CHD2: variants seen among roughly 807,000 people sequenced by gnomAD.
CHD2 encodes ATP-dependent chromatin remodeler CHD2.
In CHD2, 28 loss-of-function variants were observed where a neutral mutation model predicts 243.9. That is an observed-to-expected ratio of 0.11 (90% CI 0.09 to 0.16). CHD2 has a LOEUF of 0.16. Ranked by LOEUF, CHD2 falls within the 10% of genes least tolerant of loss-of-function variation. The pLI is 1.00. For synonymous variants in CHD2, 775 were observed against 779.0 expected (o/e 0.99, Z 0.09); for missense variants, 1,386 against 2,209.8 (o/e 0.63, Z 7.47).
At chr15:92,937,992 A>G (rs2053293922) in intron 6 of CHD2, among the ~76,000 whole-genome samples, 1 of 152,184 alleles carries the variant, frequency 6.6e-6, no homozygotes, top group South Asian at 2.1e-4. Flanking sequence ...AAATAATCTG[A>G]TTGTGTAGAG....
intron 2 of CHD2, among the ~76,000 whole-genome samples, chr15:92,911,233 C>T (rs2052728844): frequency 6.6e-6 from 1 of 152,198 alleles, no homozygotes; most frequent in Non-Finnish European, 1.5e-5. Context: ...TATACTACCT[C>T]CTAAGAATCT....
At chr15:92,926,166 T>G (rs1315162673) in intron 3 of CHD2, among the ~76,000 whole-genome samples, 1 of 152,172 alleles carries the variant, frequency 6.6e-6, no homozygotes, top group Non-Finnish European at 1.5e-5. Context: ...AGAGACAGGA[T>G]CTCCCTACGT....
intron 20 of CHD2, 99 bp downstream of exon 20, chr15:92,975,049 G>C: frequency 1.1e-6 from 1 of 949,088 alleles, no homozygotes; most frequent in Non-Finnish European, 1.6e-6. Context: ...ACAATTTATA[G>C]TGCAATTCTT....
chr15:92,938,887 C>T (rs1189155657), intron 6 of CHD2, among the ~76,000 whole-genome samples: 1 of 152,192 alleles, frequency 6.6e-6, no homozygotes, highest in Non-Finnish European at 1.5e-5. Flanking sequence ...CACAGTCTCT[C>T]AGGTAGTATT....
chr15:92,942,767 A>T, intron 8 of CHD2, 76 bp from the exon 9 acceptor site: 1 of 1,170,898 alleles, frequency 8.5e-7, no homozygotes, highest in Non-Finnish European at 1.2e-6. Context: ...GAGTCTTCAG[A>T]TAATTGCATT....
rs527477898 is a variant in CHD2 at position 93,014,809 on chromosome 15, C to T, written c.4806C>T (p.His1602=). The change falls in exon 37 of 39, where the codon CAC becomes CAT. Residue 1602 remains histidine, a synonymous_variant. Transcript: ENST00000394196. The stretch of plus-strand genomic sequence containing the variant: ...AGTCCCATACCTCACACAACCTTCA[C>T]CCTCAGAAGCCTCATTTGCCTGCCT... The part of the protein sequence containing the change: ...ISQSHTSHNL[H]PQKPHLPASH... 3 of 1,614,052 alleles carry T rather than the reference C, an allele frequency of 1.9e-6. No individual in the cohort carries two copies. Among genetic ancestry groups the T allele is most frequent in the Non-Finnish European group, 2.5e-6 (3 of 1,180,026 alleles).
intron 24 of CHD2, among the ~76,000 whole-genome samples, chr15:92,982,331 A>G (rs907999032): frequency 1.3e-5 from 2 of 152,166 alleles, no homozygotes; most frequent in Non-Finnish European, 2.9e-5. Flanking sequence ...GAGAAGTGGA[A>G]AAGATTTGGG....
At chr15:92,982,765 A>G (rs1055071168) in intron 24 of CHD2, among the ~76,000 whole-genome samples, 6 of 152,162 alleles carry the variant, frequency 3.9e-5, no homozygotes, top group African/African-American at 1.4e-4. Context: ...AGTTGTTTCA[A>G]TGGAAGAACA....
chr15:92,940,970 AATATAAATATAAATAT>A (rs1327397507), intron 7 of CHD2, among the ~76,000 whole-genome samples: 18 of 31,436 alleles, frequency 5.7e-4, no homozygotes, highest in African/African-American at 1.3e-3. Context: ...TATAAATATA[AATATAAATATAAATAT>A]ATATATAAAT....
intron 5 of CHD2, among the ~76,000 whole-genome samples, chr15:92,936,736 T>G (rs1441140040): frequency 6.6e-6 from 1 of 152,130 alleles, no homozygotes; most frequent in Non-Finnish European, 1.5e-5. Flanking sequence ...TTCTCAGAGT[T>G]TCTACCCAGT....
At chr15:92,980,936 AT>A (rs1567150997) in intron 23 of CHD2, 25 bp downstream of exon 23, 1 of 1,530,986 alleles carries the variant, frequency 6.5e-7, no homozygotes, top group Non-Finnish European at 9.0e-7. Context: ...GGAGAGGGAA[AT>A]TTTTTTGAGA....
At chr15:92,969,959 G>T (rs2053819688) in intron 17 of CHD2, among the ~76,000 whole-genome samples, 2 of 151,670 alleles carry the variant, frequency 1.3e-5, no homozygotes, top group Admixed American at 1.3e-4. Context: ...TATACCACAA[G>T]AAGTGGAAAA....
intron 3 of CHD2, among the ~76,000 whole-genome samples, chr15:92,926,027 A>C (rs891053920): frequency 6.6e-6 from 1 of 152,206 alleles, no homozygotes; most frequent in Non-Finnish European, 1.5e-5. Context: ...GCTGGAGTGC[A>C]GTGGTGCAAT....
intron 16 of CHD2, among the ~76,000 whole-genome samples, chr15:92,960,772 T>A (rs1277361000): frequency 7.3e-6 from 1 of 137,196 alleles, no homozygotes; most frequent in East Asian, 2.3e-4. Context: ...TAGAGTACAA[T>A]GGCACCATCT....
intron 37 of CHD2, among the ~76,000 whole-genome samples, chr15:93,017,856 T>G (rs1420321330): frequency 6.6e-6 from 1 of 152,260 alleles, no homozygotes; most frequent in Non-Finnish European, 1.5e-5. Flanking sequence ...TTAGATGTAG[T>G]TGCATCAGTT....
intron 36 of CHD2, among the ~76,000 whole-genome samples, chr15:93,014,057 A>G (rs2054428135): frequency 6.6e-6 from 1 of 152,156 alleles, no homozygotes; most frequent in Non-Finnish European, 1.5e-5. Flanking sequence ...TTTACATGGA[A>G]AGATTTTCAC....
chr15:92,986,187 C>T (rs1436506658), intron 26 of CHD2, among the ~76,000 whole-genome samples: 1 of 152,156 alleles, frequency 6.6e-6, no homozygotes, highest in African/African-American at 2.4e-5. Context: ...CCATTTTAGA[C>T]ATCTTTCTAT....
At chr15:92,928,882 C>T in intron 4 of CHD2, 148 bp from the exon 5 acceptor site, 1 of 584,172 alleles carries the variant, frequency 1.7e-6, no homozygotes, top group South Asian at 3.6e-5. Flanking sequence ...GAGGGAGTTC[C>T]ACCAAGCAAG....
At chr15:92,963,391 T>C (rs1200842542) in intron 16 of CHD2, among the ~76,000 whole-genome samples, 5 of 152,222 alleles carry the variant, frequency 3.3e-5, no homozygotes, top group Non-Finnish European at 7.4e-5. Flanking sequence ...TTCAGGTTAG[T>C]ACTGACTCAG....
Sources: gnomAD v4.1 joint callset for allele counts (sites outside exome capture counted in the v4.1 genomes callset) on GRCh38, gnomAD v4.1.1 for gene constraint, MANE v1.5 for transcripts, NCBI Gene and HGNC (gene_info 2026-07-23, HGNC 2026-07-21) for gene names.